Variants in SGCZ observed in about 807,000 individuals in gnomAD.
The protein encoded by SGCZ is sarcoglycan zeta.
SGCZ carries 40 observed loss-of-function variants against 41.3 expected under a neutral mutation model. That is an observed-to-expected ratio of 0.97 (90% CI 0.75 to 1.26). SGCZ has a LOEUF of 1.26. SGCZ is among the 50% of genes most tolerant of loss of function. The pLI is 0.00. For missense variants in SGCZ, 552 were observed against 369.8 expected (o/e 1.49, Z -4.04); for synonymous variants, 206 against 137.5 (o/e 1.50, Z -3.49).
chr8:15,162,284 G>T (rs1312767824), intron 1 of SGCZ, among the ~76,000 whole-genome samples: 1 of 152,116 alleles, frequency 6.6e-6, no homozygotes, highest in Admixed American at 6.5e-5. Flanking sequence ...AATAAATAAC[G>T]AGGAATTTTT....
chr8:14,518,758 G>C (rs1025388690), intron 2 of SGCZ, among the ~76,000 whole-genome samples: 1 of 151,432 alleles, frequency 6.6e-6, no homozygotes, highest in Non-Finnish European at 1.5e-5. Context: ...ATCAAGATTA[G>C]ATAGGCAGAC....
intron 3 of SGCZ, among the ~76,000 whole-genome samples, chr8:14,258,254 C>T (rs1411385916): frequency 2.0e-5 from 3 of 152,078 alleles, no homozygotes; most frequent in Non-Finnish European, 4.4e-5. Flanking sequence ...CTAGGTCTGT[C>T]CTTGTGAGTT....
intron 4 of SGCZ, among the ~76,000 whole-genome samples, chr8:14,225,655 T>A (rs1806348503): frequency 6.6e-6 from 1 of 152,114 alleles, no homozygotes; most frequent in South Asian, 2.1e-4. Context: ...GGAGCATGTA[T>A]AATAAAAGCT....
intron 1 of SGCZ, among the ~76,000 whole-genome samples, chr8:14,624,633 T>C (rs1392873491): frequency 1.4e-5 from 2 of 144,338 alleles, no homozygotes; most frequent in East Asian, 4.4e-4. Context: ...TGCAGTTGTG[T>C]GATCTCGGCT....
At chr8:14,688,867 T>C (rs1024917489) in intron 1 of SGCZ, among the ~76,000 whole-genome samples, 5 of 152,194 alleles carry the variant, frequency 3.3e-5, no homozygotes, top group South Asian at 2.1e-4. Context: ...GAAAATCCCA[T>C]TGTCTCAGCC....
At chr8:14,930,041 C>A (rs1799882007) in intron 1 of SGCZ, among the ~76,000 whole-genome samples, 1 of 151,940 alleles carries the variant, frequency 6.6e-6, no homozygotes, top group Non-Finnish European at 1.5e-5. Flanking sequence ...GGAGTCTTAG[C>A]AAGCACTTCA....
At chr8:14,511,219 C>A (rs1262020289) in intron 2 of SGCZ, among the ~76,000 whole-genome samples, 1 of 1,468 alleles carries the variant, frequency 6.8e-4, no homozygotes, top group Non-Finnish European at 1.4e-3. Flanking sequence ...TCTGTCTTGG[C>A]AGTCCCTGTA....
chr8:14,286,655 A>G (rs1800643046), intron 3 of SGCZ, among the ~76,000 whole-genome samples: 1 of 152,140 alleles, frequency 6.6e-6, no homozygotes, highest in Non-Finnish European at 1.5e-5. Context: ...GAAAGCACTA[A>G]CATTACATCA....
intron 1 of SGCZ, among the ~76,000 whole-genome samples, chr8:14,845,388 T>C (rs1348595433): frequency 6.7e-6 from 1 of 149,716 alleles, no homozygotes; most frequent in Non-Finnish European, 1.5e-5. Context: ...CTTTTTGTTA[T>C]ACAAAAATAC....
intron 1 of SGCZ, among the ~76,000 whole-genome samples, chr8:15,154,213 C>T (rs1401662784): frequency 6.6e-6 from 1 of 152,186 alleles, no homozygotes; most frequent in Non-Finnish European, 1.5e-5. Flanking sequence ...CAACCTAACA[C>T]AGTCAGCTTT....
intron 1 of SGCZ, among the ~76,000 whole-genome samples, chr8:14,692,043 T>G (rs889826680): frequency 9.2e-5 from 14 of 152,030 alleles, no homozygotes; most frequent in Admixed American, 1.3e-4. Context: ...AATTTTATTT[T>G]AAATTTCTCA....
chr8:14,252,953 G>A (rs943166851), intron 3 of SGCZ, among the ~76,000 whole-genome samples: 2 of 152,118 alleles, frequency 1.3e-5, no homozygotes, highest in African/African-American at 2.4e-5. Context: ...TTAAGGCATA[G>A]CTAGGTTGCC....
chr8:14,974,123 G>C (rs534990870), intron 1 of SGCZ, among the ~76,000 whole-genome samples: 5 of 152,248 alleles, frequency 3.3e-5, no homozygotes, highest in African/African-American at 1.2e-4. Flanking sequence ...AATCAGCTTT[G>C]AAACTGCCTA....
rs117149269 is a variant in SGCZ at position 14,964,339 on chromosome 8, C to G, written c.39+273246G>C. Among the ~76,000 whole-genome samples, 79 of 152,250 alleles carry G rather than the reference C, an allele frequency of 5.2e-4. No individual in the cohort carries two copies. The East Asian group carries it at 0.012, about 23-fold the overall frequency. On this transcript the variant is annotated intron_variant, in intron 1 of 7. Transcript: ENST00000382080. ...CCTCCGCATACAAATTTGACTATTC[C>G]TCATGTCTTATTTCTCACTGAAATG...
chr8:14,483,242 G>T (rs145469479), intron 2 of SGCZ, among the ~76,000 whole-genome samples: 3 of 152,102 alleles, frequency 2.0e-5, no homozygotes, highest in Non-Finnish European at 4.4e-5. Context: ...TTAAGTACGC[G>T]TGACAATCAT....
intron 2 of SGCZ, among the ~76,000 whole-genome samples, chr8:14,369,127 T>A (rs1201862134): frequency 6.6e-6 from 1 of 151,838 alleles, no homozygotes; most frequent in African/African-American, 2.4e-5. Flanking sequence ...TTAACACCTA[T>A]AGTGATATTA....
chr8:14,880,325 A>G (rs1282885809), intron 1 of SGCZ, among the ~76,000 whole-genome samples: 1 of 152,170 alleles, frequency 6.6e-6, no homozygotes, highest in African/African-American at 2.4e-5. Flanking sequence ...GAGGATGTGG[A>G]GAAATAGGAA....
At chr8:14,790,514 A>G (rs1157734613) in intron 1 of SGCZ, among the ~76,000 whole-genome samples, 1 of 152,184 alleles carries the variant, frequency 6.6e-6, no homozygotes, top group Non-Finnish European at 1.5e-5. Flanking sequence ...AAAATAGTCC[A>G]AAACATTTGT....
intron 1 of SGCZ, among the ~76,000 whole-genome samples, chr8:15,142,579 C>A: frequency 6.6e-6 from 1 of 151,896 alleles, no homozygotes; most frequent in Non-Finnish European, 1.5e-5. Context: ...ATGTAAATCA[C>A]CCCCCAATTA....
Sources: gnomAD v4.1 joint callset for allele counts (sites outside exome capture counted in the v4.1 genomes callset) on GRCh38, gnomAD v4.1.1 for gene constraint, MANE v1.5 for transcripts, NCBI Gene and HGNC (gene_info 2026-07-23, HGNC 2026-07-21) for gene names.